MID1: variants seen among roughly 807,000 people sequenced by gnomAD.
MID1 encodes the protein midline 1, also known as E3 ubiquitin-protein ligase Midline-1.
In MID1, 7 loss-of-function variants were observed where a neutral mutation model predicts 40.4. The observed-to-expected ratio is 0.17, with a 90% CI of 0.10 to 0.33. The LOEUF is 0.33. Among genes scored for constraint, MID1 ranks in the 10% least tolerant of loss-of-function variants. The pLI, the probability that MID1 is intolerant of heterozygous loss-of-function variation, is 1.00. For missense variants in MID1, 367 were observed against 558.5 expected (o/e 0.66, Z 3.46); for synonymous variants, 229 against 221.2 (o/e 1.04, Z -0.31).
At chrX:10,729,991 A>G (rs1197577578) in intron 1 of MID1, among the ~76,000 whole-genome samples, 6 of 108,984 alleles carry the variant, frequency 5.5e-5, no homozygotes, top group Non-Finnish European at 1.1e-4. Flanking sequence ...GGCTGAGGCG[A>G]GAGAATGGCG....
At chrX:10,771,658 A>ATTTTTTTTTTTT (rs765034374) in intron 1 of MID1, among the ~76,000 whole-genome samples, 7 of 82,267 alleles carry the variant, frequency 8.5e-5, no homozygotes, top group South Asian at 5.9e-4. Context: ...TGCCTGGCTA[A>ATTTTTTTTTTTT]TTTTTTTTTT....
At chrX:10,687,519 A>C (rs1390033088) in intron 1 of MID1, among the ~76,000 whole-genome samples, 1 of 112,210 alleles carries the variant, frequency 8.9e-6, no homozygotes, top group Admixed American at 9.4e-5. Flanking sequence ...CCTGTCTGGA[A>C]CAGTATGTTA....
chrX:10,597,213 A>G (rs1321755880), intron 1 of MID1, among the ~76,000 whole-genome samples: 1 of 111,959 alleles, frequency 8.9e-6, no homozygotes, highest in Non-Finnish European at 1.9e-5. Flanking sequence ...AACATTCCAC[A>G]GGTTGATCTT....
chrX:10,570,790 T>C (rs757422894), intron 1 of MID1, among the ~76,000 whole-genome samples: 1,255 of 112,849 alleles, frequency 0.011, 6 homozygotes, highest in Non-Finnish European at 0.018. Flanking sequence ...AGTATGGCTG[T>C]GTTCCAACAT....
chrX:10,779,536 T>C (rs1462466564), intron 1 of MID1, among the ~76,000 whole-genome samples: 1 of 112,024 alleles, frequency 8.9e-6, no homozygotes, highest in Non-Finnish European at 1.9e-5. Flanking sequence ...AAAGGAATTG[T>C]CAGAAAAGTT....
chrX:10,492,206 T>A (rs1930989577), intron 4 of MID1, among the ~76,000 whole-genome samples: 1 of 112,109 alleles, frequency 8.9e-6, no homozygotes, highest in Non-Finnish European at 1.9e-5. Context: ...TTTTCTTATT[T>A]TCCTATAAAA....
intron 1 of MID1, among the ~76,000 whole-genome samples, chrX:10,629,360 G>A (rs935353965): frequency 3.7e-5 from 4 of 109,442 alleles, no homozygotes; most frequent in Admixed American, 9.6e-5. Flanking sequence ...ACCATGCCTG[G>A]CTATTTTTTT....
intron 8 of MID1, among the ~76,000 whole-genome samples, chrX:10,458,778 G>A (rs996074865): frequency 5.4e-5 from 6 of 111,402 alleles, no homozygotes; most frequent in African/African-American, 1.6e-4. Flanking sequence ...TGAGAAACAA[G>A]GATATAGGTT....
At chrX:10,676,753 G>A (rs1170306721) in intron 1 of MID1, among the ~76,000 whole-genome samples, 2 of 111,426 alleles carry the variant, frequency 1.8e-5, no homozygotes, top group East Asian at 2.8e-4. Flanking sequence ...GGTGGAAGGG[G>A]GGTGTTTGCT....
Position 10,703,161 on chromosome X carries a change from C to T in MID1, c.-186-82742G>A, listed in dbSNP as rs747580840. On this transcript the variant is annotated intron_variant, in intron 1 of 10. Transcript: ENST00000380785. ...TAGTTAGTAACTTGTCACTACATTA[C>T]GGTTTCAGGAGCAAACAAAAAGTGT... is the stretch of plus-strand genomic sequence containing the variant. Among the ~76,000 whole-genome samples, 99 of 111,972 alleles carry T rather than the reference C, an allele frequency of 8.8e-4. 1 individual carries two copies. Among genetic ancestry groups the T allele is most frequent in the African/African-American group, 3.0e-3 (94 of 30,852 alleles).
intron 1 of MID1, among the ~76,000 whole-genome samples, chrX:10,726,475 A>G (rs2043391316): frequency 9.2e-6 from 1 of 109,206 alleles, no homozygotes; most frequent in African/African-American, 3.5e-5. Context: ...AGTCTGTAGC[A>G]TAAAATTTAG....
chrX:10,612,556 T>C (rs1330869281), intron 1 of MID1, among the ~76,000 whole-genome samples: 3 of 112,281 alleles, frequency 2.7e-5, no homozygotes, highest in Non-Finnish European at 5.6e-5. Context: ...TGTCTGACAT[T>C]TTCATACTTA....
At chrX:10,766,005 A>G (rs1006790488) in intron 1 of MID1, among the ~76,000 whole-genome samples, 32 of 106,204 alleles carry the variant, frequency 3.0e-4, no homozygotes, top group African/African-American at 1.0e-3. Flanking sequence ...GAAAGAAAGA[A>G]AGAACCAAAA....
At chrX:10,590,831 C>G (rs1212881973) in intron 1 of MID1, among the ~76,000 whole-genome samples, 1 of 111,713 alleles carries the variant, frequency 9.0e-6, no homozygotes, top group African/African-American at 3.3e-5. Context: ...TGACCTTATC[C>G]CTAAGGTTAT....
intron 1 of MID1, among the ~76,000 whole-genome samples, chrX:10,773,428 T>A (rs957205266): frequency 8.9e-6 from 1 of 112,211 alleles, no homozygotes; most frequent in Non-Finnish European, 1.9e-5. Flanking sequence ...AAGAGCAGAT[T>A]TAGTATTTTC....
chrX:10,478,465 G>T (rs1245111143), intron 5 of MID1, among the ~76,000 whole-genome samples: 1 of 111,936 alleles, frequency 8.9e-6, no homozygotes, highest in African/African-American at 3.2e-5. Flanking sequence ...CAGATTTATG[G>T]ATCCATTCAT....
chrX:10,716,566 G>A (rs946219197), intron 1 of MID1, among the ~76,000 whole-genome samples: 1 of 111,543 alleles, frequency 9.0e-6, no homozygotes, highest in Admixed American at 9.5e-5. Context: ...ATCTACATCT[G>A]ATTGGTGTAC....
chrX:10,694,879 G>A (rs998020120), intron 1 of MID1, among the ~76,000 whole-genome samples: 3 of 111,439 alleles, frequency 2.7e-5, no homozygotes, highest in Non-Finnish European at 5.6e-5. Flanking sequence ...GTCATTCCTG[G>A]GCTTGGGCCA....
chrX:10,583,699 C>G (rs1295734947), intron 1 of MID1, among the ~76,000 whole-genome samples: 3 of 111,957 alleles, frequency 2.7e-5, no homozygotes, highest in Non-Finnish European at 5.6e-5. Flanking sequence ...CCATTTTGTG[C>G]TGCTATAACA....
Sources: gnomAD v4.1 joint callset for allele counts (sites outside exome capture counted in the v4.1 genomes callset) on GRCh38, gnomAD v4.1.1 for gene constraint, MANE v1.5 for transcripts, NCBI Gene and HGNC (gene_info 2026-07-23, HGNC 2026-07-21) for gene names.